Variants in KCNH8 observed in about 807,000 individuals in gnomAD.
The protein encoded by KCNH8 is voltage-gated delayed rectifier potassium channel KCNH8.
In KCNH8, 70 loss-of-function variants were observed where a neutral mutation model predicts 103.6. The observed-to-expected ratio is 0.68, with a 90% CI of 0.56 to 0.82. The LOEUF (loss-of-function observed/expected upper bound fraction) is 0.82, where lower values mean the gene tolerates loss of function less well. Ranked by LOEUF, KCNH8 falls within the 40% of genes least tolerant of loss-of-function variation. KCNH8 has a pLI of 0.00. For missense variants in KCNH8, 1,217 were observed against 1,329.9 expected, an observed-to-expected ratio of 0.92 and a Z score of 1.32; for synonymous variants, 498 against 489.4, an observed-to-expected ratio of 1.02 and a Z score of -0.23.
intron 5 of KCNH8, among the ~76,000 whole-genome samples, chr3:19,365,914 A>T (rs963496525): frequency 5.3e-5 from 8 of 152,108 alleles, no homozygotes; most frequent in Non-Finnish European, 1.0e-4. Flanking sequence ...GTATCTCTTG[A>T]TGAAGAACAT....
intron 1 of KCNH8, among the ~76,000 whole-genome samples, chr3:19,219,850 C>G (rs777389736): frequency 2.0e-5 from 3 of 152,170 alleles, no homozygotes; most frequent in Non-Finnish European, 2.9e-5. Context: ...ACCTATTACT[C>G]AGGTCAAGAA....
chr3:19,405,180 T>C (rs942454673), intron 7 of KCNH8, among the ~76,000 whole-genome samples: 2 of 152,028 alleles, frequency 1.3e-5, no homozygotes, highest in Admixed American at 1.3e-4. Context: ...TTATTCTGTA[T>C]AATTAAGTGA....
intron 11 of KCNH8, among the ~76,000 whole-genome samples, chr3:19,458,403 A>G (rs895909586): frequency 6.6e-6 from 1 of 151,932 alleles, no homozygotes. Context: ...AAAAATCGCT[A>G]ATATTCCTCA....
intron 1 of KCNH8, among the ~76,000 whole-genome samples, chr3:19,252,941 A>G (rs574135333): frequency 6.6e-6 from 1 of 152,256 alleles, no homozygotes; most frequent in East Asian, 1.9e-4. Context: ...TGGAGAGTGC[A>G]CTTAGCTTAA....
At chr3:19,482,759 G>C (rs760100921) in intron 11 of KCNH8, among the ~76,000 whole-genome samples, 2 of 152,148 alleles carry the variant, frequency 1.3e-5, no homozygotes, top group Non-Finnish European at 2.9e-5. Flanking sequence ...TCTATGTGTA[G>C]ACAGCAATTA....
chr3:19,425,349 TAGG>T (rs1281407034), intron 7 of KCNH8, among the ~76,000 whole-genome samples: 3 of 152,322 alleles, frequency 2.0e-5, no homozygotes, highest in East Asian at 1.9e-4. Context: ...TTGCTCCAAC[TAGG>T]AGGACTTAGT....
At chr3:19,149,953 C>G (rs115366610) in intron 1 of KCNH8, among the ~76,000 whole-genome samples, 2,560 of 152,210 alleles carry the variant, frequency 0.017, 85 homozygotes, top group African/African-American at 0.057. Context: ...AAGTCTTGGA[C>G]TTATGCTTCA....
intron 5 of KCNH8, among the ~76,000 whole-genome samples, chr3:19,383,541 T>C (rs544567181): frequency 6.6e-6 from 1 of 152,252 alleles, no homozygotes; most frequent in Admixed American, 6.5e-5. Flanking sequence ...CCTGATGATT[T>C]ATGTATTTTT....
chr3:19,386,122 G>C (rs1342054798), intron 5 of KCNH8, among the ~76,000 whole-genome samples: 1 of 151,980 alleles, frequency 6.6e-6, no homozygotes, highest in African/African-American at 2.4e-5. Context: ...TAGAAAAAAT[G>C]GATTTAACCT....
chr3:19,422,283 T>TA (rs935046099), intron 7 of KCNH8, among the ~76,000 whole-genome samples: 35 of 152,240 alleles, frequency 2.3e-4, no homozygotes, highest in African/African-American at 8.2e-4. Flanking sequence ...TGTAGATAAA[T>TA]ACATATTTTA....
At chr3:19,221,349 G>A (rs561907544) in intron 1 of KCNH8, among the ~76,000 whole-genome samples, 11 of 152,304 alleles carry the variant, frequency 7.2e-5, no homozygotes, top group South Asian at 4.1e-4. Flanking sequence ...CACCAGAATT[G>A]TGTGAATGGG....
rs9843538 is a variant in KCNH8 at position 19,163,846 on chromosome 3, A to G, written c.76+15051A>G. Among the ~76,000 whole-genome samples the G allele has an allele frequency of 7.3e-3, 1,108 of 152,170 alleles. 9 individuals carry two copies. The highest frequency in any genetic ancestry group is 0.026 in the African/African-American group (1,071 of 41,514). On this transcript the variant is annotated intron_variant, in intron 1 of 15. Transcript: ENST00000328405. The stretch of plus-strand genomic sequence containing the variant: ...CTTCCATTTAATGAATAGTAAATCT[A>G]TTTTCTCTTCTTTATAACTTTCTTA...
chr3:19,527,038 C>T (rs1449018648), intron 15 of KCNH8, among the ~76,000 whole-genome samples: 1 of 151,884 alleles, frequency 6.6e-6, no homozygotes, highest in Non-Finnish European at 1.5e-5. Flanking sequence ...CCAGGCTGCA[C>T]ATCCCTACAT....
intron 1 of KCNH8, among the ~76,000 whole-genome samples, chr3:19,162,344 T>A (rs1299446227): frequency 6.7e-6 from 1 of 148,294 alleles, no homozygotes; most frequent in East Asian, 2.0e-4. Flanking sequence ...AAAACCCATC[T>A]GTAACTAAAA....
intron 1 of KCNH8, among the ~76,000 whole-genome samples, chr3:19,189,638 A>G (rs941043629): frequency 6.6e-6 from 1 of 152,076 alleles, no homozygotes. Context: ...AAGATTTAGC[A>G]TACCAAATCT....
intron 1 of KCNH8, among the ~76,000 whole-genome samples, chr3:19,208,850 G>A (rs1012174907): frequency 2.6e-5 from 4 of 151,876 alleles, no homozygotes; most frequent in Non-Finnish European, 5.9e-5. Context: ...ACGGGAAAAC[G>A]GGGGTTGAAT....
intron 2 of KCNH8, among the ~76,000 whole-genome samples, chr3:19,261,298 G>T (rs937295257): frequency 6.6e-6 from 1 of 151,690 alleles, no homozygotes. Context: ...CATCCTAATG[G>T]TGTGAGATGA....
chr3:19,248,887 A>G (rs1039684272), intron 1 of KCNH8, among the ~76,000 whole-genome samples: 1 of 152,216 alleles, frequency 6.6e-6, no homozygotes, highest in African/African-American at 2.4e-5. Context: ...TTAGGAGATC[A>G]GACTCAGTGA....
intron 3 of KCNH8, among the ~76,000 whole-genome samples, chr3:19,333,749 G>A (rs2065543699): frequency 1.3e-5 from 2 of 152,186 alleles, no homozygotes; most frequent in African/African-American, 2.4e-5. Context: ...ATATAAATTT[G>A]TGTCTTTCCT....
Sources: allele counts gnomAD v4.1 joint callset (sites outside exome capture counted in the v4.1 genomes callset), GRCh38; gene constraint gnomAD v4.1.1; transcripts MANE v1.5; gene names NCBI Gene and HGNC (gene_info 2026-07-23, HGNC 2026-07-21).